Variants in MAGI1 observed in about 807,000 individuals in gnomAD.
MAGI1 encodes membrane-associated guanylate kinase, WW and PDZ domain-containing protein 1.
MAGI1 carries 58 observed loss-of-function variants against 139.9 expected under a neutral mutation model. The ratio of observed to expected loss-of-function variants is 0.41; its 90% CI spans 0.34 to 0.52. The LOEUF is 0.52. Ranked by LOEUF, MAGI1 falls within the 20% of genes least tolerant of loss-of-function variation. MAGI1 has a pLI of 0.12. For missense variants in MAGI1, 1,874 were observed against 1,901.6 expected (o/e 0.99, Z 0.27); for synonymous variants, 812 against 737.9 (o/e 1.10, Z -1.63).
At chr3:65,573,803 A>G (rs2108082578) in intron 2 of MAGI1, among the ~76,000 whole-genome samples, 1 of 152,240 alleles carries the variant, frequency 6.6e-6, no homozygotes, top group Admixed American at 6.5e-5. Context: ...AACTTTTATT[A>G]TTTCTCAGAT....
At chr3:65,961,016 G>A (rs184981025) in intron 1 of MAGI1, among the ~76,000 whole-genome samples, 3 of 152,280 alleles carry the variant, frequency 2.0e-5, no homozygotes, top group Non-Finnish European at 2.9e-5. Context: ...TGGCAGGCCT[G>A]CAAAAATTGA....
intron 1 of MAGI1, among the ~76,000 whole-genome samples, chr3:65,849,055 C>CTTTTTTTTTT (rs2059113059): frequency 6.3e-5 from 3 of 47,448 alleles, no homozygotes; most frequent in East Asian, 9.5e-4. Flanking sequence ...TGGAGTTTTG[C>CTTTTTTTTTT]TCTTTTTGCC....
intron 2 of MAGI1, among the ~76,000 whole-genome samples, chr3:65,541,726 C>T (rs187031543): frequency 6.6e-6 from 1 of 152,312 alleles, no homozygotes; most frequent in East Asian, 1.9e-4. Context: ...TACACCCCTT[C>T]ATACTAAAAA....
intron 1 of MAGI1, among the ~76,000 whole-genome samples, chr3:65,628,330 A>G (rs2084095721): frequency 6.6e-6 from 1 of 152,172 alleles, no homozygotes. Flanking sequence ...AGTTGTACTC[A>G]TGGCTATGGT....
At chr3:65,474,004 G>C (rs1950715011) in intron 4 of MAGI1, among the ~76,000 whole-genome samples, 1 of 152,176 alleles carries the variant, frequency 6.6e-6, no homozygotes, top group South Asian at 2.1e-4. Flanking sequence ...GGTGGCATGT[G>C]CCTGTAATCC....
At chr3:65,483,240 T>C (rs536142330) in intron 3 of MAGI1, among the ~76,000 whole-genome samples, 1 of 152,354 alleles carries the variant, frequency 6.6e-6, no homozygotes, top group Non-Finnish European at 1.5e-5. Context: ...TGCTGTGAAC[T>C]GCCCTTACCG....
intron 2 of MAGI1, among the ~76,000 whole-genome samples, chr3:65,532,008 C>A (rs1559644255): frequency 6.6e-6 from 1 of 152,164 alleles, no homozygotes; most frequent in Non-Finnish European, 1.5e-5. Context: ...CAGCTGCCAA[C>A]AACTCTAGTA....
chr3:65,693,178 C>T (rs986633636), intron 1 of MAGI1, among the ~76,000 whole-genome samples: 1 of 152,148 alleles, frequency 6.6e-6, no homozygotes, highest in Admixed American at 6.6e-5. Flanking sequence ...CTCCCATGTT[C>T]AACCAATCCT....
chr3:65,521,583 T>C (rs1004780056), intron 2 of MAGI1, among the ~76,000 whole-genome samples: 2 of 152,182 alleles, frequency 1.3e-5, no homozygotes, highest in Non-Finnish European at 2.9e-5. Context: ...ACAATGAATA[T>C]TCATGGACAA....
chr3:65,858,647 AAGG>A (rs542712839), intron 1 of MAGI1, among the ~76,000 whole-genome samples: 56 of 152,196 alleles, frequency 3.7e-4, no homozygotes, highest in Non-Finnish European at 6.8e-4. Context: ...GAGAAGAGGA[AAGG>A]AGGAGGAAGA....
At chr3:65,687,852 C>T in intron 1 of MAGI1, 1 of 617,596 alleles carries the variant, frequency 1.6e-6, no homozygotes, top group South Asian at 1.4e-5. Context: ...GCCACCCAGT[C>T]TTCCAAAACT....
intron 1 of MAGI1, among the ~76,000 whole-genome samples, chr3:65,865,602 T>C (rs943287112): frequency 2.6e-5 from 4 of 152,112 alleles, no homozygotes; most frequent in African/African-American, 9.7e-5. Context: ...TCTCAAAAAA[T>C]AAAAATAAAA....
rs893683989 is a variant in MAGI1, at chr3:66,013,232, C to G, written c.313+24764G>C. On this transcript the variant is annotated intron_variant, in intron 1 of 22. Coordinates refer to ENST00000402939, the MANE Select transcript of MAGI1 (RefSeq NM_001033057.2). ...CAGCCTGACCAACATGGAGAAACCC[C>G]ATCTCTACTAAAAATACAAAATTAG... 5.3e-5 allele frequency among the ~76,000 whole-genome samples: 8 copies of G among 151,328 alleles called. No homozygotes were observed. In the East Asian group the frequency reaches 1.6e-3, roughly 30 times the overall value.
At chr3:65,522,147 T>A (rs956837683) in intron 2 of MAGI1, among the ~76,000 whole-genome samples, 14 of 152,252 alleles carry the variant, frequency 9.2e-5, no homozygotes, top group African/African-American at 3.1e-4. Flanking sequence ...TATCCAGCAA[T>A]AATGAGATAT....
At position 65,566,249 on chromosome 3, in the gene MAGI1, G is replaced by A. The variant is rs576796477; in HGVS notation, c.430+55723C>T. Among the ~76,000 whole-genome samples the A allele has an allele frequency of 4.7e-5, 7 of 149,002 alleles. No individual in the cohort carries two copies. The East Asian group carries it at 1.4e-3, about 29-fold the overall frequency. Reference sequence around the variant, plus strand: ...AGCCTGGGCAACAGAGCAAGACTCTGTCTCAAAAAAAAATAAAAAATAAAA... The same window carrying A: ...AGCCTGGGCAACAGAGCAAGACTCTATCTCAAAAAAAAATAAAAAATAAAA... On this transcript the variant is annotated intron_variant, in intron 2 of 22. Transcript: ENST00000402939.
chr3:65,455,588 C>T (rs929482572), intron 5 of MAGI1, among the ~76,000 whole-genome samples: 67 of 151,820 alleles, frequency 4.4e-4, no homozygotes, highest in African/African-American at 1.6e-3. Flanking sequence ...GTGGCACACA[C>T]TAGCCAGGTG....
chr3:65,564,133 G>T (rs549744473), intron 2 of MAGI1, among the ~76,000 whole-genome samples: 1 of 151,952 alleles, frequency 6.6e-6, no homozygotes, highest in Non-Finnish European at 1.5e-5. Context: ...TCTCAAAGCC[G>T]TCCTCCTGAC....
intron 1 of MAGI1, chr3:65,954,405 A>G (rs926823241): frequency 2.6e-5 from 4 of 152,580 alleles, no homozygotes; most frequent in African/African-American, 9.7e-5. Context: ...CAGGAGCGAC[A>G]TGGGCAGCGC....
At chr3:65,439,274 A>G (rs546933553) in intron 9 of MAGI1, among the ~76,000 whole-genome samples, 2 of 152,336 alleles carry the variant, frequency 1.3e-5, no homozygotes, top group South Asian at 4.1e-4. Context: ...CTATATACGT[A>G]TAAATTATTA....
Sources: allele counts gnomAD v4.1 joint callset (sites outside exome capture counted in the v4.1 genomes callset), GRCh38; gene constraint gnomAD v4.1.1; transcripts MANE v1.5; gene names NCBI Gene and HGNC (gene_info 2026-07-23, HGNC 2026-07-21).